Variants in GTF3C4 observed in about 807,000 individuals in gnomAD.
GTF3C4 encodes general transcription factor 3C polypeptide 4.
Under a neutral mutation model 67.5 loss-of-function variants are expected in GTF3C4, and 28 were observed. The ratio of observed to expected loss-of-function variants is 0.41; its 90% CI spans 0.31 to 0.57. The LOEUF is 0.57. Ranked by LOEUF, GTF3C4 falls within the 20% of genes least tolerant of loss-of-function variation. GTF3C4 has a pLI of 0.21. For missense variants in GTF3C4, 831 were observed against 1,033.2 expected, an observed-to-expected ratio of 0.80 and a Z score of 2.68; for synonymous variants, 409 against 393.0, an observed-to-expected ratio of 1.04 and a Z score of -0.48.
chr9:132,671,110 C>CT (rs1835736019), intron 1 of GTF3C4, among the ~76,000 whole-genome samples, 155 bp downstream of exon 1: 1 of 148,632 alleles, frequency 6.7e-6, no homozygotes, highest in East Asian at 2.0e-4. Context: ...GTTACCACAG[C>CT]TTAAAAAAAA....
chr9:132,683,795 G>T, intron 3 of GTF3C4, 102 bp downstream of exon 3: 1 of 1,130,878 alleles, frequency 8.8e-7, no homozygotes. Context: ...GTTATCTGTT[G>T]CCCTTGCCAA....
chr9:132,678,188 G>T lies in GTF3C4; in HGVS notation c.569G>T (p.Arg190Leu). The T allele has an allele frequency of 1.2e-6, 2 of 1,614,236 alleles. No homozygotes were observed. The highest frequency in any genetic ancestry group is 8.5e-7 in the Non-Finnish European group (1 of 1,180,034). Residue 190 changes from arginine to leucine, a missense_variant, in exon 2 of 5, where the codon CGC (arginine) becomes CTC (leucine). Arg to Leu is a moderately radical substitution (Grantham distance 102). Around this residue, in one of 4 missense-constraint regions of GTF3C4, gnomAD observed 390 missense variants for 540.3 expected, o/e 0.72. Coordinates refer to ENST00000372146, the MANE Select transcript of GTF3C4 (RefSeq NM_012204.4). The surrounding 1 kb of genome is among the most constrained non-coding windows in gnomAD (Gnocchi z 6.5). Reference sequence around the variant, plus strand: ...TTGGCAGCACTGACCATGGACAATCGCCTGACCATCCAGGCAAATCTCAAC... The same window carrying T: ...TTGGCAGCACTGACCATGGACAATCTCCTGACCATCCAGGCAAATCTCAAC... Reference protein sequence around the residue: ...CLLAALTMDNRLTIQANLNRL... With the variant: ...CLLAALTMDNLLTIQANLNRL...
Position 132,690,874 on chromosome 9 carries a change from A to G in GTF3C4, c.*1929A>G, listed in dbSNP as rs372631735. 2.0e-4 allele frequency: 30 copies of G among 152,228 alleles called. 1 individual carries two copies. In the South Asian group the frequency reaches 2.7e-3, roughly 14 times the overall value. 9.4% of individuals were successfully genotyped at this position (152,228 alleles called of 1,614,324 possible). A position where few individuals can be genotyped will look rare whatever the true frequency, so the allele number is the denominator to read the frequency against. ...GCATAGTTTCACTTCCCCTCCCCCC[A>G]TTAGAATCAGTGGAGATTTGTTCTT... On this transcript the variant is annotated 3_prime_UTR_variant, in exon 5 of 5. Transcript: ENST00000372146.
At chr9:132,670,275 G>A (rs1189648889), upstream of GTF3C4, 6 of 1,513,042 alleles carry the variant, frequency 4.0e-6, no homozygotes, top group South Asian at 7.7e-5. Flanking sequence ...CCCCTTTACC[G>A]CCCCGTGCGT....
At chr9:132,671,269 A>C (rs903217309) in intron 1 of GTF3C4, among the ~76,000 whole-genome samples, 2 of 151,956 alleles carry the variant, frequency 1.3e-5, no homozygotes, top group African/African-American at 2.4e-5. Context: ...GGAGCGGGTT[A>C]CTCGATGGTG....
In GTF3C4 at chr9:132,689,158, A is replaced by T. The variant is rs1836075443; in HGVS notation, c.*213A>T. The T allele has an allele frequency of 1.8e-6, 1 of 555,646 alleles. No homozygotes were observed. Among genetic ancestry groups the T allele is most frequent in the Non-Finnish European group, 3.2e-6 (1 of 309,276 alleles). 34.4% of individuals were successfully genotyped at this position (555,646 alleles called of 1,614,324 possible). On this transcript the variant is annotated 3_prime_UTR_variant, in exon 5 of 5. Coordinates refer to ENST00000372146, the MANE Select transcript of GTF3C4 (RefSeq NM_012204.4). ...TGTCCTTTGAAATGGCTGGACTCAG[A>T]GAGTTGGAGTCGTTTTGAGATGAGC...
At position 132,679,861 on chromosome 9, in the gene GTF3C4, G is replaced by A. The variant is rs1835915601; in HGVS notation, c.2184+58G>A. The A allele has an allele frequency of 6.8e-7, 1 of 1,463,980 alleles. No individual in the cohort carries two copies. The highest frequency in any genetic ancestry group is 1.4e-5 in the African/African-American group (1 of 70,770). The allele number at this position is 1,463,980 out of a possible 1,614,324, so 90.7% of individuals were successfully genotyped here. On this transcript the variant is annotated intron_variant, in intron 2 of 4. Coordinates refer to ENST00000372146, the MANE Select transcript of GTF3C4 (RefSeq NM_012204.4). The surrounding 1 kb of genome is among the most constrained non-coding windows in gnomAD (Gnocchi z 5.9). ...TAAAGCCTGCTTTCTTCATGAGAAA[G>A]AAATGACCTAAATTGAGTTCCTGAA...
At position 132,679,453 on chromosome 9, in the gene GTF3C4, C is replaced by A; in HGVS notation, c.1834C>A (p.Pro612Thr). 1 of 1,614,066 alleles carries A rather than the reference C, an allele frequency of 6.2e-7. No individual in the cohort carries two copies. Among genetic ancestry groups the A allele is most frequent in the Non-Finnish European group, 8.5e-7 (1 of 1,180,014 alleles). Residue 612 changes from proline to threonine, a missense_variant, in exon 2 of 5, where the codon CCT becomes ACT. By Grantham distance (38) the Pro-to-Thr change is conservative (BLOSUM62 -1). Coordinates refer to ENST00000372146, the MANE Select transcript of GTF3C4 (RefSeq NM_012204.4). This position sits in a 1 kb window ranked among gnomAD's most constrained non-coding sequence, Gnocchi z 5.9. ...EDSKILLVDSPGMGNADDEQQ... is the reference protein window; with the variant it reads ...EDSKILLVDSTGMGNADDEQQ... ...CTCAAAAATCTTACTAGTGGATTCG[C>A]CTGGGATGGGCAATGCTGACGATGA...
chr9:132,694,314 C>T lies in GTF3C4; in HGVS notation c.*5369C>T, dbSNP rs1173349685. On this transcript the variant is annotated 3_prime_UTR_variant, in exon 5 of 5. Transcript: ENST00000372146. ...CCTTGCACAGGGTAGGTGCTCATGA[C>T]GTGTAGAATGAGTGAGTAACTTCCT... 6.6e-6 allele frequency: 1 copy of T among 152,150 alleles called. No homozygotes were observed. The highest frequency in any genetic ancestry group is 2.4e-5 in the African/African-American group (1 of 41,432). 9.4% of individuals were successfully genotyped at this position (152,150 alleles called of 1,614,324 possible). A position where few individuals can be genotyped will look rare whatever the true frequency, so the allele number is the denominator to read the frequency against.
In GTF3C4 at chr9:132,690,800, G is replaced by C. The variant is rs369778037; in HGVS notation, c.*1855G>C. 46 of 152,232 alleles carry C rather than the reference G, an allele frequency of 3.0e-4. 1 individual carries two copies. Among genetic ancestry groups the C allele is most frequent in the African/African-American group, 1.0e-3 (42 of 41,522 alleles). The allele number at this position is 152,232 out of a possible 1,614,324, so 9.4% of individuals were successfully genotyped here. A position where few individuals can be genotyped will look rare whatever the true frequency, so the allele number is the denominator to read the frequency against. On this transcript the variant is annotated 3_prime_UTR_variant, in exon 5 of 5. Transcript: ENST00000372146. ...TTTTTTCACTTTACAATAAATAAGA[G>C]TAAAAATTGAGATCATGTCAAAAAA... is the stretch of plus-strand genomic sequence containing the variant.
intron 2 of GTF3C4, among the ~76,000 whole-genome samples, chr9:132,682,714 T>C (rs531386614): frequency 2.6e-5 from 4 of 150,968 alleles, no homozygotes; most frequent in African/African-American, 9.8e-5. Context: ...GGCAGATCCT[T>C]CTGCCTCAGC....
chr9:132,683,473 ATTTTTT>A, intron 2 of GTF3C4, 84 bp from the exon 3 acceptor site: 1 of 1,175,036 alleles, frequency 8.5e-7, no homozygotes, highest in Non-Finnish European at 1.2e-6. Context: ...TTTTTTCTTT[ATTTTTT>A]AATTTTCCCT....
intron 1 of GTF3C4, among the ~76,000 whole-genome samples, chr9:132,677,272 C>T (rs1835876406): frequency 6.6e-6 from 1 of 152,124 alleles, no homozygotes; most frequent in Admixed American, 6.5e-5. Context: ...TGTGGTGGTG[C>T]ACGCTTGTAA....
rs757913856 is a variant in GTF3C4, at chr9:132,670,638, G to A, written c.40G>A (p.Asp14Asn). Residue 14 changes from aspartate to asparagine, a missense_variant, in exon 1 of 5, where the codon GAC (aspartate) becomes AAC (asparagine). Physicochemically the swap from Asp to Asn is conservative, Grantham distance 23 (BLOSUM62 1). This residue lies in a region of GTF3C4 where 237 missense variants were observed against 212.7 expected (regional missense o/e 1.11). Coordinates refer to ENST00000372146, the MANE Select transcript of GTF3C4 (RefSeq NM_012204.4). ...CCAGGCCCGGGTGGGGCCCGCGGAC[G>A]ACGGGCCTGCGCCGTCTGGGGAGGA... is the stretch of plus-strand genomic sequence containing the variant. ...ADQARVGPAD[D>N]GPAPSGEEEG... 4.1e-6 allele frequency: 6 copies of A among 1,450,852 alleles called. No homozygotes were observed. The Admixed American group carries it at 1.7e-4, about 42-fold the overall frequency. 89.9% of individuals were successfully genotyped at this position (1,450,852 alleles called of 1,614,324 possible). A position where few individuals can be genotyped will look rare whatever the true frequency, so the allele number is the denominator to read the frequency against.
rs1368202894 is a variant in GTF3C4 at position 132,693,523 on chromosome 9, A to G, written c.*4578A>G. ...GTGTAAGATTATACTCTCATGCTAA[A>G]ATAAGGTATAGGCTAAGTGAAATAC... On this transcript the variant is annotated 3_prime_UTR_variant, in exon 5 of 5. Coordinates refer to ENST00000372146, the MANE Select transcript of GTF3C4 (RefSeq NM_012204.4). The G allele has an allele frequency of 6.6e-6, 1 of 152,204 alleles. No individual in the cohort carries two copies. Among genetic ancestry groups the G allele is most frequent in the Non-Finnish European group, 1.5e-5 (1 of 68,034 alleles). 9.4% of individuals were successfully genotyped at this position (152,204 alleles called of 1,614,324 possible).
Position 132,692,787 on chromosome 9 carries a change from CTG to C in GTF3C4, c.*3844_*3845del, listed in dbSNP as rs1271805442. On this transcript the variant is annotated 3_prime_UTR_variant, in exon 5 of 5. Transcript: ENST00000372146. ...CTCTAAAGGATCTAACTGTAATGAACTGTTTTTATTTTTGCCATTAGTGCAAG... is the reference window on the plus strand; with the variant it reads ...CTCTAAAGGATCTAACTGTAATGAACTTTTTATTTTTGCCATTAGTGCAAG... 2.0e-5 allele frequency: 3 copies of C among 152,168 alleles called. No homozygotes were observed. Among genetic ancestry groups the C allele is most frequent in the Non-Finnish European group, 2.9e-5 (2 of 68,034 alleles). 9.4% of individuals were successfully genotyped at this position (152,168 alleles called of 1,614,324 possible).
At position 132,690,446 on chromosome 9, in the gene GTF3C4, AAAAAG is replaced by A. The variant is rs1013649893; in HGVS notation, c.*1506_*1510del. 6.6e-6 allele frequency: 1 copy of A among 152,114 alleles called. No homozygotes were observed. Among genetic ancestry groups the A allele is most frequent in the Non-Finnish European group, 1.5e-5 (1 of 68,046 alleles). 9.4% of individuals were successfully genotyped at this position (152,114 alleles called of 1,614,324 possible). A position where few individuals can be genotyped will look rare whatever the true frequency, so the allele number is the denominator to read the frequency against. The stretch of plus-strand genomic sequence containing the variant: ...GCAAGACTGGAGACTGCCTCAAAAA[AAAAAG>A]AAAAAAAATGTTGGTACTTAGATGA... On this transcript the variant is annotated 3_prime_UTR_variant, in exon 5 of 5. Coordinates refer to ENST00000372146, the MANE Select transcript of GTF3C4 (RefSeq NM_012204.4).
rs1836118616 is a variant in GTF3C4 at position 132,691,763 on chromosome 9, T to C, written c.*2818T>C. 1 of 152,222 alleles carries C rather than the reference T, an allele frequency of 6.6e-6. No individual in the cohort carries two copies. Among genetic ancestry groups the C allele is most frequent in the South Asian group, 2.1e-4 (1 of 4,828 alleles). The allele number at this position is 152,222 out of a possible 1,614,324, so 9.4% of individuals were successfully genotyped here. On this transcript the variant is annotated 3_prime_UTR_variant, in exon 5 of 5. Coordinates refer to ENST00000372146, the MANE Select transcript of GTF3C4 (RefSeq NM_012204.4). ...AATTATTTTTCAATGTCAGAAGTTA[T>C]TAGAGCCACTGGCAAAGCTCATGGT... is the stretch of plus-strand genomic sequence containing the variant.
At position 132,679,608 on chromosome 9, in the gene GTF3C4, G is replaced by A; in HGVS notation, c.1989G>A (p.Glu663=). ...CGACTGGAGATGCTGGAGGCCGTGA[G>A]CCAATGGAAGAGAAACTCCTGGAAA... ...LPTTGDAGGR[E]PMEEKLLEIQ... The change falls in exon 2 of 5, where the codon GAG becomes GAA. Residue 663 remains glutamate, a synonymous_variant. Coordinates refer to ENST00000372146, the MANE Select transcript of GTF3C4 (RefSeq NM_012204.4). The surrounding 1 kb of genome is among the most constrained non-coding windows in gnomAD (Gnocchi z 5.9). The A allele has an allele frequency of 6.2e-7, 1 of 1,614,182 alleles. No homozygotes were observed. Among genetic ancestry groups the A allele is most frequent in the Non-Finnish European group, 8.5e-7 (1 of 1,180,040 alleles).
Sources: gnomAD v4.1 joint callset for allele counts (sites outside exome capture counted in the v4.1 genomes callset) on GRCh38, gnomAD v4.1.1 for gene constraint, gnomAD v4.1.1 regional missense constraint, Gnocchi (gnomAD v3.1) non-coding constraint, MANE v1.5 for transcripts, NCBI Gene and HGNC (gene_info 2026-07-23, HGNC 2026-07-21) for gene names.